DDX11: variants seen among roughly 807,000 people sequenced by gnomAD.
DDX11 encodes ATP-dependent DNA helicase DDX11.
DDX11 carries 72 observed loss-of-function variants against 125.2 expected under a neutral mutation model. The observed-to-expected ratio is 0.58, with a 90% CI of 0.48 to 0.70. The LOEUF is 0.70. Among genes scored for constraint, DDX11 ranks in the 30% least tolerant of loss-of-function variants. The pLI is 0.00. For missense variants in DDX11, 883 were observed against 1,165.0 expected (o/e 0.76, Z 3.52); for synonymous variants, 347 against 452.6 (o/e 0.77, Z 2.96).
At chr12:31,084,521 C>T in intron 3 of DDX11, 62 bp from the exon 4 acceptor site, 1 of 1,450,742 alleles carries the variant, frequency 6.9e-7, no homozygotes, top group Non-Finnish European at 9.5e-7. Flanking sequence ...GGCCCAGACT[C>T]CTTAGGAGAG....
chr12:31,101,146 C>T lies in DDX11; in HGVS notation c.2052+16C>T. ...GCCTCAGATGGTCAGTCCCAGCCAG[C>T]TCGCCGCACCACAGCCTGGCCTCAG... On this transcript the variant is annotated intron_variant, in intron 20 of 26. Transcript: ENST00000542838. 1 of 1,608,790 alleles carries T rather than the reference C, an allele frequency of 6.2e-7. No homozygotes were observed. Among genetic ancestry groups the T allele is most frequent in the Admixed American group, 1.7e-5 (1 of 60,024 alleles).
At chr12:31,093,733 A>AAAAAAGAAAAG in intron 12 of DDX11, 1 of 208,676 alleles carries the variant, frequency 4.8e-6, no homozygotes, top group East Asian at 1.8e-4. Flanking sequence ...AAAAAAAAAA[A>AAAAAAGAAAAG]AAAAAAAAAA....
intron 20 of DDX11, chr12:31,101,419 C>T: frequency 7.5e-6 from 4 of 536,712 alleles, no homozygotes; most frequent in Non-Finnish European, 1.3e-5. Context: ...CCCTTTGGCT[C>T]TCTTGCCCTT....
chr12:31,083,365 T>C lies in DDX11; in HGVS notation c.145-448T>C, dbSNP rs1425729824. Among the ~76,000 whole-genome samples, 3 of 151,332 alleles carry C rather than the reference T, an allele frequency of 2.0e-5. No homozygotes were observed. The East Asian group carries it at 5.8e-4, about 29-fold the overall frequency. ...AACCGTAAGCACTGGCGCTCATGAC[T>C]GATCATCCTGTATCCACGCACGAGC... On this transcript the variant is annotated intron_variant, in intron 2 of 26. Coordinates refer to ENST00000542838, the MANE Select transcript of DDX11 (RefSeq NM_030653.4).
chr12:31,101,059 C>G lies in DDX11; in HGVS notation c.1981C>G (p.Leu661Val). ...HVIPPDNILP[L>V]VICSGISNQP... ...GATCCCTCCAGACAACATCCTGCCCCTCGTCATCTGCAGCGGGATCTCCAA... is the reference window on the plus strand; with the variant it reads ...GATCCCTCCAGACAACATCCTGCCCGTCGTCATCTGCAGCGGGATCTCCAA... Residue 661 changes from leucine to valine, a missense_variant, in exon 20 of 27, where the codon CTC becomes GTC. Around this residue, in one of 5 missense-constraint regions of DDX11, gnomAD observed 285 missense variants for 346.0 expected, o/e 0.82. Coordinates refer to ENST00000542838, the MANE Select transcript of DDX11 (RefSeq NM_030653.4). The G allele has an allele frequency of 6.2e-7, 1 of 1,614,192 alleles. No homozygotes were observed. Among genetic ancestry groups the G allele is most frequent in the East Asian group, 2.2e-5 (1 of 44,874 alleles).
intron 12 of DDX11, chr12:31,094,360 C>G: frequency 1.8e-6 from 1 of 571,386 alleles, no homozygotes; most frequent in South Asian, 2.0e-5. Flanking sequence ...CATGAACTTA[C>G]AGGGCTTTGG....
At chr12:31,096,405 G>C in intron 15 of DDX11, 26 bp downstream of exon 15, 15 of 1,613,356 alleles carry the variant, frequency 9.3e-6, no homozygotes, top group Non-Finnish European at 1.3e-5. Flanking sequence ...TTGTGGTCCT[G>C]AACAAGACCC....
intron 1 of DDX11, among the ~76,000 whole-genome samples, chr12:31,076,129 CTTT>C (rs945645588): frequency 2.6e-5 from 4 of 152,116 alleles, no homozygotes; most frequent in African/African-American, 9.7e-5. Context: ...TGCTGGTCAG[CTTT>C]TTGTCTTGGG....
At position 31,089,070 on chromosome 12, in the gene DDX11, C is replaced by T. The variant is rs758352865; in HGVS notation, c.711C>T (p.Ser237=). 65 of 1,613,860 alleles carry T rather than the reference C, an allele frequency of 4.0e-5. No individual in the cohort carries two copies. Among genetic ancestry groups the T allele is most frequent in the Non-Finnish European group, 5.3e-5 (62 of 1,179,858 alleles). ...TKIYYCSRTH[S]QLAQFVHEVK... ...TTTATTACTGTAGTCGGACACACTC[C>T]CAGCTGGCCCAGTTTGTGCATGAGG... is the stretch of plus-strand genomic sequence containing the variant. Residue 237 remains serine (S), a synonymous_variant, in exon 7 of 27, where the codon TCC becomes TCT. Transcript: ENST00000542838.
Position 31,096,297 on chromosome 12 carries a change from G to A in DDX11, c.1483-44G>A, listed in dbSNP as rs750082695. Reference sequence around the variant, plus strand: ...TGTTTTGTTTTTAAGATTATAGCTTGCTCAGTTTGCACTCATGCCTACAGC... The same window carrying A: ...TGTTTTGTTTTTAAGATTATAGCTTACTCAGTTTGCACTCATGCCTACAGC... On this transcript the variant is annotated intron_variant, in intron 14 of 26. Coordinates refer to ENST00000542838, the MANE Select transcript of DDX11 (RefSeq NM_030653.4). The A allele has an allele frequency of 1.4e-6, 2 of 1,416,202 alleles. 1 individual carries two copies. The highest frequency in any genetic ancestry group is 2.4e-5 in the South Asian group (2 of 81,904). The allele number at this position is 1,416,202 out of a possible 1,614,324, so 87.7% of individuals were successfully genotyped here. A position where few individuals can be genotyped will look rare whatever the true frequency, so the allele number is the denominator to read the frequency against.
Position 31,102,471 on chromosome 12 carries a change from C to T in DDX11, c.2316C>T (p.Leu772=), listed in dbSNP as rs77340729. 55,401 of 1,613,924 alleles carry T rather than the reference C, an allele frequency of 0.034. 1,698 individuals carry two copies. The highest frequency in any genetic ancestry group is 0.15 in the East Asian group (6,826 of 44,858). The change falls in exon 23 of 27, where the codon CTC becomes CTT. Residue 772 remains leucine (L), a synonymous_variant. Transcript: ENST00000542838. ...GCCAGGTGACAGGGGCCCTGCTCCT[C>T]TCTGTGGTTGGAGGAAAGATGAGTG... ...ERGQVTGALL[L]SVVGGKMSEG...
At chr12:31,076,112 G>A (rs1426348720) in intron 1 of DDX11, among the ~76,000 whole-genome samples, 1 of 152,218 alleles carries the variant, frequency 6.6e-6, no homozygotes, top group African/African-American at 2.4e-5. Flanking sequence ...TCTGTCTTGA[G>A]AGGAGCTGCT....
intron 18 of DDX11, among the ~76,000 whole-genome samples, chr12:31,099,084 CTTTTTTTTTTTT>C (rs763612105): frequency 1.6e-5 from 1 of 63,722 alleles, no homozygotes; most frequent in African/African-American, 7.9e-5. Flanking sequence ...TTCTTTCTTT[CTTTTTTTTTTTT>C]TTTTTTTTTG....
intron 21 of DDX11, 41 bp from the exon 22 acceptor site, chr12:31,102,202 C>T: frequency 1.2e-6 from 2 of 1,605,072 alleles, no homozygotes; most frequent in Non-Finnish European, 1.7e-6. Flanking sequence ...AGACCTGGCA[C>T]CCTGAACCTG....
At chr12:31,081,169 T>C (rs1413805844) in intron 2 of DDX11, among the ~76,000 whole-genome samples, 5 of 152,240 alleles carry the variant, frequency 3.3e-5, no homozygotes, top group Non-Finnish European at 5.9e-5. Context: ...ATGTTTCTGG[T>C]TCTATAGCTT....
intron 1 of DDX11, among the ~76,000 whole-genome samples, chr12:31,074,827 A>C (rs935767627): frequency 3.9e-5 from 6 of 152,228 alleles, no homozygotes; most frequent in African/African-American, 1.4e-4. Flanking sequence ...AGTACCTGCC[A>C]CATAGTTGTC....
At chr12:31,097,664 A>G (rs1224898354) in intron 17 of DDX11, among the ~76,000 whole-genome samples, 4 of 133,936 alleles carry the variant, frequency 3.0e-5, no homozygotes, top group Non-Finnish European at 6.1e-5. Flanking sequence ...TGGGCAACAG[A>G]TCGAGACTCC....
chr12:31,089,650 C>T (rs1219602517), intron 8 of DDX11, 160 bp downstream of exon 8: 1 of 1,050,128 alleles, frequency 9.5e-7, no homozygotes, highest in Admixed American at 2.0e-5. Context: ...TGTTCCTACT[C>T]TCTGGGTCAG....
At position 31,103,325 on chromosome 12, in the gene DDX11, C is replaced by T. The variant is rs142205480; in HGVS notation, c.2466C>T (p.Ala822=). 1.2e-6 allele frequency: 2 copies of T among 1,611,052 alleles called. No individual in the cohort carries two copies. Among genetic ancestry groups the T allele is most frequent in the African/African-American group, 1.3e-5 (1 of 74,934 alleles). Residue 822 remains alanine, a synonymous_variant, in exon 25 of 27, where the codon GCC becomes GCT. Transcript: ENST00000542838. ...TTCCCCTTCACTCCCAGCCCAGAGC[C>T]CCCGGCCAGGCACCCCCAGGGAAGG... ...MAYLDQTLPR[A]PGQAPPGKAL...
Sources: gnomAD v4.1 joint callset for allele counts (sites outside exome capture counted in the v4.1 genomes callset) on GRCh38, gnomAD v4.1.1 for gene constraint, gnomAD v4.1.1 regional missense constraint, MANE v1.5 for transcripts, NCBI Gene and HGNC (gene_info 2026-07-23, HGNC 2026-07-21) for gene names.